The following SF1 variants were observed in gnomAD, a reference collection of about 807,000 sequenced individuals.
SF1 encodes splicing factor 1.
SF1 carries 7 observed loss-of-function variants against 62.5 expected under a neutral mutation model. That is an observed-to-expected ratio of 0.11 (90% CI 0.06 to 0.21). SF1 has a LOEUF of 0.21. Among genes scored for constraint, SF1 ranks in the 10% least tolerant of loss-of-function variants. The pLI is 1.00. For synonymous variants in SF1, 394 were observed against 323.6 expected (o/e 1.22, Z -2.33); for missense variants, 578 against 884.0 (o/e 0.65, Z 4.39).
chr11:64,765,805 T>C lies in SF1; in HGVS notation c.*13A>G. ...CTCTCTATATATAATATATATTTTC[T>C]TAAAAAACAAGTCTAGTTCTGTGGT... On this transcript the variant is annotated 3_prime_UTR_variant, in exon 13 of 13. Transcript: ENST00000377390. The C allele has an allele frequency of 6.5e-7, 1 of 1,529,854 alleles. No homozygotes were observed. Among genetic ancestry groups the C allele is most frequent in the Non-Finnish European group, 8.8e-7 (1 of 1,140,662 alleles). 94.8% of individuals were successfully genotyped at this position (1,529,854 alleles called of 1,614,324 possible). A position where few individuals can be genotyped will look rare whatever the true frequency, so the allele number is the denominator to read the frequency against.
At position 64,778,423 on chromosome 11, in the gene SF1, C is replaced by G. The variant is rs973062066; in HGVS notation, c.-31G>C. The G allele has an allele frequency of 1.6e-6, 2 of 1,224,588 alleles. No homozygotes were observed. Among genetic ancestry groups the G allele is most frequent in the African/African-American group, 1.6e-5 (1 of 63,944 alleles). 75.9% of individuals were successfully genotyped at this position (1,224,588 alleles called of 1,614,324 possible). ...CCCCGGGGACAGGCACCGGCACCTG[C>G]TTTTCCTCTGCGGCGGCTTCTCCTT... On this transcript the variant is annotated 5_prime_UTR_variant, in exon 1 of 13. Transcript: ENST00000377390.
chr11:64,776,056 C>A, intron 2 of SF1: 2 of 157,966 alleles, frequency 1.3e-5, no homozygotes, highest in South Asian at 1.6e-4. Context: ...CAGAAAGTAC[C>A]TATAAAAAGT....
intron 10 of SF1, 112 bp downstream of exon 10, chr11:64,767,459 A>C: frequency 8.3e-7 from 1 of 1,208,322 alleles, no homozygotes; most frequent in South Asian, 1.4e-5. Context: ...CAAGCCAGGC[A>C]GACCCAGCAC....
At chr11:64,768,923 TG>T in intron 8 of SF1, 98 bp downstream of exon 8, 1 of 839,764 alleles carries the variant, frequency 1.2e-6, no homozygotes, top group South Asian at 1.3e-5. Context: ...ACAGAAAGGA[TG>T]TTTCTCTTGG....
At chr11:64,767,968 A>G in intron 9 of SF1, 124 bp from the exon 10 acceptor site, 12 of 1,461,260 alleles carry the variant, frequency 8.2e-6, no homozygotes, top group Non-Finnish European at 1.1e-5. Context: ...AAGTCCCCAA[A>G]CTGGCCTGAG....
rs1463816646 is a variant in SF1 at position 64,778,501 on chromosome 11, C to T, written c.-109G>A. 6.7e-6 allele frequency: 8 copies of T among 1,200,982 alleles called. No homozygotes were observed. The highest frequency in any genetic ancestry group is 8.3e-6 in the Non-Finnish European group (8 of 967,788). The allele number at this position is 1,200,982 out of a possible 1,614,324, so 74.4% of individuals were successfully genotyped here. A position where few individuals can be genotyped will look rare whatever the true frequency, so the allele number is the denominator to read the frequency against. ...GAATGCGCTGCCGGAGCGCGCGGAG[C>T]CCGTCCTCTCACGCGGCGGGCGGCG... On this transcript the variant is annotated 5_prime_UTR_variant, in exon 1 of 13. Transcript: ENST00000377390.
chr11:64,773,331 TATG>T, intron 3 of SF1, 96 bp downstream of exon 3: 1 of 1,540,902 alleles, frequency 6.5e-7, no homozygotes, highest in Non-Finnish European at 8.7e-7. Context: ...GTCGTCATAC[TATG>T]ATTTTATTGA....
chr11:64,777,371 G>A (rs1463742900), intron 1 of SF1: 2 of 400,498 alleles, frequency 5.0e-6, no homozygotes, highest in Non-Finnish European at 6.8e-6. Context: ...AAAACAAAGC[G>A]ACAGGGCAGC....
intron 12 of SF1, chr11:64,766,688 A>C: frequency 2.2e-6 from 1 of 458,402 alleles, no homozygotes; most frequent in South Asian, 5.5e-5. Context: ...GGCCCCCACG[A>C]ACCTCTCCCC....
Position 64,767,677 on chromosome 11 carries a change from G to A in SF1, c.1236C>T (p.Pro412=). 1 of 1,609,616 alleles carries A rather than the reference G, an allele frequency of 6.2e-7. No homozygotes were observed. Among genetic ancestry groups the A allele is most frequent in the East Asian group, 2.2e-5 (1 of 44,776 alleles). ...GGGGTCCATTGGGGTTGTGCTGCAT[G>A]GGATGTCCACCATGCCCACCTGTCA... ...PSLTGGHGGH[P]MQHNPNGPPP... is the part of the protein sequence containing the mutation. The change falls in exon 10 of 13, where the codon CCC becomes CCT. Residue 412 remains proline (P), a synonymous_variant. Transcript: ENST00000377390.
chr11:64,776,559 A>T lies in SF1; in HGVS notation c.99T>A (p.Ile33=). ...NQDTMEQKTV[I]PGMPTVIPPG... The stretch of plus-strand genomic sequence containing the variant: ...GGGGAATAACTGTAGGCATTCCTGG[A>T]ATCACTGTCTTCTGTTCCATTGTGT... Residue 33 remains isoleucine, a synonymous_variant, in exon 2 of 13, where the codon ATT becomes ATA. Coordinates refer to ENST00000377390, the MANE Select transcript of SF1 (RefSeq NM_004630.4). 6.3e-7 allele frequency: 1 copy of T among 1,583,216 alleles called. No homozygotes were observed. The highest frequency in any genetic ancestry group is 1.2e-5 in the South Asian group (1 of 85,282).
chr11:64,765,452 G>A lies in SF1; in HGVS notation c.*366C>T, dbSNP rs774076314. 6.2e-7 allele frequency: 1 copy of A among 1,609,866 alleles called. No individual in the cohort carries two copies. Among genetic ancestry groups the A allele is most frequent in the African/African-American group, 1.3e-5 (1 of 74,822 alleles). The stretch of plus-strand genomic sequence containing the variant: ...GTTGCTGAGGCTGTCTGCCTGGAAG[G>A]GTCACCAATGGGCGCGGAAAGTCCT... On this transcript the variant is annotated 3_prime_UTR_variant, in exon 13 of 13. Transcript: ENST00000377390.
In SF1 at chr11:64,767,091, T is replaced by C. The variant is rs2058731781; in HGVS notation, c.1403-12A>G. 1 of 1,603,314 alleles carries C rather than the reference T, an allele frequency of 6.2e-7. No individual in the cohort carries two copies. The highest frequency in any genetic ancestry group is 8.5e-7 in the Non-Finnish European group (1 of 1,173,320). On this transcript the variant is annotated splice_polypyrimidine_tract_variant and intron_variant, in intron 11 of 12. Coordinates refer to ENST00000377390, the MANE Select transcript of SF1 (RefSeq NM_004630.4). ...TGGCGGCATCATACCTGTGGACAGG[T>C]GGAGGCAAAGATGAGGCCTCAGGGA...
At position 64,765,470 on chromosome 11, in the gene SF1, A is replaced by T. The variant is rs367962771; in HGVS notation, c.*348T>A. 9 of 1,613,342 alleles carry T rather than the reference A, an allele frequency of 5.6e-6. No individual in the cohort carries two copies. The East Asian group carries it at 8.9e-5, about 16-fold the overall frequency. ...CTGGAAGGGTCACCAATGGGCGCGG[A>T]AAGTCCTCACTCTCATGGCTCGGGC... is the stretch of plus-strand genomic sequence containing the variant. On this transcript the variant is annotated 3_prime_UTR_variant, in exon 13 of 13. Transcript: ENST00000377390.
At chr11:64,770,560 T>A (rs1327337258) in intron 3 of SF1, 152 bp from the exon 4 acceptor site, 12 of 785,966 alleles carry the variant, frequency 1.5e-5, no homozygotes, top group Middle Eastern at 6.2e-4. Context: ...CTCAAGATCG[T>A]GTGGAATGGG....
In SF1 at chr11:64,768,141, G is replaced by A. The variant is rs1475766979; in HGVS notation, c.1033C>T (p.Arg345Cys). 2.5e-6 allele frequency: 4 copies of A among 1,612,758 alleles called. No individual in the cohort carries two copies. Among genetic ancestry groups the A allele is most frequent in the South Asian group, 1.1e-5 (1 of 90,904 alleles). ...GGGTTGTTGGCGGGAGCAGCAGGAC[G>A]AGGTGCGCTGGCCAGGGGTGTGGTG... ...PATTPLASAP[R>C]PAAPANNPPP... Residue 345 changes from arginine (R) to cysteine (C), a missense_variant, in exon 9 of 13, where the codon CGT becomes TGT. Physicochemically the swap from Arg to Cys is radical, Grantham distance 180 (BLOSUM62 -3). Around this residue, in one of 7 missense-constraint regions of SF1, gnomAD observed 410 missense variants for 452.4 expected, o/e 0.91. Coordinates refer to ENST00000377390, the MANE Select transcript of SF1 (RefSeq NM_004630.4).
chr11:64,770,108 G>A (rs951041042), intron 4 of SF1, 55 bp from the exon 5 acceptor site: 52 of 1,579,574 alleles, frequency 3.3e-5, no homozygotes, highest in Non-Finnish European at 4.1e-5. Context: ...CACAGCCAGC[G>A]GCTTTTCTAA....
intron 5 of SF1, 66 bp from the exon 6 acceptor site, chr11:64,769,675 G>A: frequency 2.1e-6 from 3 of 1,444,158 alleles, no homozygotes; most frequent in Non-Finnish European, 2.8e-6. Flanking sequence ...AGAGAGGCTG[G>A]ACCAATTTGG....
chr11:64,778,153 G>GGGAGGCGGA, intron 1 of SF1: 1 of 846,644 alleles, frequency 1.2e-6, no homozygotes, highest in Non-Finnish European at 1.5e-6. Flanking sequence ...GCGGCTGCTG[G>GGGAGGCGGA]GGAGGCGGAG....
Sources: gnomAD v4.1 joint callset for allele counts on GRCh38, gnomAD v4.1.1 for gene constraint, gnomAD v4.1.1 regional missense constraint, MANE v1.5 for transcripts, NCBI Gene and HGNC (gene_info 2026-07-23, HGNC 2026-07-21) for gene names.